Variants in ITPR1 observed in about 807,000 individuals in gnomAD.
ITPR1 encodes the protein inositol 1,4,5-trisphosphate-gated calcium channel ITPR1.
A neutral mutation model predicts 318.4 loss-of-function variants in ITPR1; 96 were observed. The observed-to-expected ratio is 0.30, with a 90% CI of 0.26 to 0.36. The LOEUF (loss-of-function observed/expected upper bound fraction) is 0.36. Among genes scored for constraint, ITPR1 ranks in the 10% least tolerant of loss-of-function variants. ITPR1 has a pLI of 1.00. For missense variants in ITPR1, 2,440 were observed against 3,460.2 expected, an observed-to-expected ratio of 0.71 and a Z score of 7.40; for synonymous variants, 1,312 against 1,289.9, an observed-to-expected ratio of 1.02 and a Z score of -0.37.
At chr3:4,702,047 A>G (rs1432387388) in intron 35 of ITPR1, among the ~76,000 whole-genome samples, 1 of 152,160 alleles carries the variant, frequency 6.6e-6, no homozygotes, top group Non-Finnish European at 1.5e-5. Flanking sequence ...AGCGCAGCAC[A>G]CACAGCTATC....
intron 4 of ITPR1, among the ~76,000 whole-genome samples, chr3:4,607,051 A>G (rs2091753770): frequency 6.6e-6 from 1 of 152,162 alleles, no homozygotes; most frequent in Non-Finnish European, 1.5e-5. Flanking sequence ...ACCACACCAA[A>G]CAACAATAAT....
Position 4,673,019 on chromosome 3 carries a change from T to TATG in ITPR1, c.2205-115_2205-113dup, listed in dbSNP as rs1201725424. ...CAAGAGCAATTTAGGGGTGTTGATGTATGAGTTTAGTTGGCCAAATGTCAC... is the reference window on the plus strand; with the variant it reads ...CAAGAGCAATTTAGGGGTGTTGATGTATGATGAGTTTAGTTGGCCAAATGTCAC... On this transcript the variant is annotated intron_variant, in intron 20 of 61. Transcript: ENST00000649015. 6 of 1,085,362 alleles carry TATG rather than the reference T, an allele frequency of 5.5e-6. No individual in the cohort carries two copies. In the African/African-American group the frequency reaches 9.5e-5, roughly 17 times the overall value. 67.2% of individuals were successfully genotyped at this position (1,085,362 alleles called of 1,614,324 possible). A position where few individuals can be genotyped will look rare whatever the true frequency, so the allele number is the denominator to read the frequency against.
chr3:4,698,064 T>C (rs1469228753), intron 34 of ITPR1, among the ~76,000 whole-genome samples: 1 of 150,846 alleles, frequency 6.6e-6, no homozygotes, highest in African/African-American at 2.4e-5. Flanking sequence ...TGGTTTTGCA[T>C]TGGGCCTAAT....
At chr3:4,827,228 C>T (rs1051974696) in intron 60 of ITPR1, among the ~76,000 whole-genome samples, 2 of 152,194 alleles carry the variant, frequency 1.3e-5, no homozygotes, top group African/African-American at 4.8e-5. Flanking sequence ...CCCGGCTTGC[C>T]CTTTACTTCC....
At chr3:4,706,088 G>T in intron 36 of ITPR1, 79 bp from the exon 37 acceptor site, 1 of 1,479,324 alleles carries the variant, frequency 6.8e-7, no homozygotes, top group Non-Finnish European at 9.3e-7. Context: ...CTGCTGGATG[G>T]GGACTAGGGC....
At chr3:4,590,109 A>G (rs1274068297) in intron 4 of ITPR1, among the ~76,000 whole-genome samples, 1 of 145,486 alleles carries the variant, frequency 6.9e-6, no homozygotes, top group African/African-American at 2.6e-5. Flanking sequence ...GACCTCTGTG[A>G]CCTTCCTGTC....
chr3:4,532,606 A>G (rs1575436191), intron 4 of ITPR1, among the ~76,000 whole-genome samples: 5 of 152,242 alleles, frequency 3.3e-5, no homozygotes, highest in Admixed American at 2.6e-4. Context: ...CCTGGGCTCA[A>G]CTGATCCTCC....
rs773512133 is a variant in ITPR1, at chr3:4,800,514, A to G, written c.7021A>G (p.Ile2341Val). The G allele has an allele frequency of 5.0e-6, 8 of 1,614,008 alleles. No individual in the cohort carries two copies. Among genetic ancestry groups the G allele is most frequent in the Non-Finnish European group, 6.8e-6 (8 of 1,179,878 alleles). The change falls in exon 54 of 62, where the codon ATC becomes GTC. Residue 2341 changes from isoleucine (I) to valine (V), a missense_variant. Physicochemically the swap from Ile to Val is conservative, Grantham distance 29. This residue lies in a region of ITPR1 where 126 missense variants were observed against 150.8 expected (regional missense o/e 0.84). Coordinates refer to ENST00000649015, the MANE Select transcript of ITPR1 (RefSeq NM_001378452.1). ...CATTGCCCTCCCCAAGCCCCATGGC[A>G]TCCGGGCCTTAATTGCCTCCACAAT... ...IVIALPKPHG[I>V]RALIASTILR... is the part of the protein sequence containing the mutation.
intron 39 of ITPR1, among the ~76,000 whole-genome samples, chr3:4,717,102 C>T (rs567731890): frequency 6.2e-4 from 94 of 152,336 alleles, no homozygotes; most frequent in African/African-American, 2.2e-3. Context: ...ACACGGCTGT[C>T]TGCACATGTG....
At chr3:4,760,650 C>A (rs1207426071) in intron 44 of ITPR1, among the ~76,000 whole-genome samples, 1 of 152,320 alleles carries the variant, frequency 6.6e-6, no homozygotes, top group African/African-American at 2.4e-5. Context: ...GGCCAGCGCT[C>A]CTTTCTGGAG....
In ITPR1 at chr3:4,672,409, A is replaced by G. The variant is rs535235863; in HGVS notation, c.2205-727A>G. Among the ~76,000 whole-genome samples the G allele has an allele frequency of 2.7e-3, 408 of 152,368 alleles. 2 individuals are homozygous for G. Among genetic ancestry groups the G allele is most frequent in the African/African-American group, 9.4e-3 (390 of 41,590 alleles). ...CTAATGAGGCTGAGAATGTCTTCAA[A>G]TCATGATTATTAGAAATACATAGAG... On this transcript the variant is annotated intron_variant, in intron 20 of 61. Coordinates refer to ENST00000649015, the MANE Select transcript of ITPR1 (RefSeq NM_001378452.1).
At chr3:4,622,402 T>G (rs1253919640) in intron 4 of ITPR1, among the ~76,000 whole-genome samples, 2 of 150,678 alleles carry the variant, frequency 1.3e-5, no homozygotes, top group Non-Finnish European at 3.0e-5. Flanking sequence ...CATAAGCCAC[T>G]GCGGCCAGCC....
Position 4,847,002 on chromosome 3 carries a change from C to G in ITPR1, c.*777C>G. On this transcript the variant is annotated 3_prime_UTR_variant, in exon 62 of 62. Coordinates refer to ENST00000649015, the MANE Select transcript of ITPR1 (RefSeq NM_001378452.1). ...TAATGAATTTTTTAAAGGGAACTTT[C>G]TATGCAATGTTCAGGATAAATGCAT... 6.5e-6 allele frequency: 1 copy of G among 152,676 alleles called. No homozygotes were observed. The highest frequency in any genetic ancestry group is 1.9e-4 in the East Asian group (1 of 5,184). The allele number at this position is 152,676 out of a possible 1,614,324, so 9.5% of individuals were successfully genotyped here. A position where few individuals can be genotyped will look rare whatever the true frequency, so the allele number is the denominator to read the frequency against.
chr3:4,842,430 C>T (rs562157039), intron 61 of ITPR1, among the ~76,000 whole-genome samples: 7 of 152,154 alleles, frequency 4.6e-5, no homozygotes, highest in Non-Finnish European at 1.0e-4. Context: ...TGCAGTGGCA[C>T]GATCTCAGCT....
At chr3:4,534,165 GATGT>G (rs1445495954) in intron 4 of ITPR1, among the ~76,000 whole-genome samples, 1 of 152,170 alleles carries the variant, frequency 6.6e-6, no homozygotes, top group Non-Finnish European at 1.5e-5. Flanking sequence ...TTGTTACTTG[GATGT>G]ATTGTGTAGT....
In ITPR1 at chr3:4,806,282, T is replaced by A. The variant is rs777868994; in HGVS notation, c.7272+15T>A. 80 of 1,611,906 alleles carry A rather than the reference T, an allele frequency of 5.0e-5. No homozygotes were observed. Among genetic ancestry groups the A allele is most frequent in the Non-Finnish European group, 6.8e-5 (80 of 1,178,112 alleles). ...ACAGTCTGCTGGTGAGTACCTGGTGTGGAAATATTTTATGTGTGGGGAAAC... is the reference window on the plus strand; with the variant it reads ...ACAGTCTGCTGGTGAGTACCTGGTGAGGAAATATTTTATGTGTGGGGAAAC... On this transcript the variant is annotated intron_variant, in intron 55 of 61. Coordinates refer to ENST00000649015, the MANE Select transcript of ITPR1 (RefSeq NM_001378452.1).
chr3:4,556,259 C>T (rs952407080), intron 4 of ITPR1, among the ~76,000 whole-genome samples: 4 of 152,176 alleles, frequency 2.6e-5, no homozygotes, highest in Non-Finnish European at 5.9e-5. Context: ...GTAACACCCT[C>T]TATCAGGATG....
Position 4,665,254 on chromosome 3 carries a change from C to T in ITPR1, c.1671C>T (p.Tyr557=), listed in dbSNP as rs886058613. Residue 557 remains tyrosine (Y), a synonymous_variant, in exon 17 of 62, where the codon TAC becomes TAT. Transcript: ENST00000649015. ...TCAGACACATCTGCCGGCTCTGCTA[C>T]AGGGTGCTGAGACACTCGCAGCAAG... ...APFRHICRLC[Y]RVLRHSQQDY... is the part of the protein sequence containing the mutation. 5.6e-6 allele frequency: 9 copies of T among 1,613,900 alleles called. No individual in the cohort carries two copies. The highest frequency in any genetic ancestry group is 1.1e-5 in the South Asian group (1 of 91,090).
intron 36 of ITPR1, 69 bp from the exon 37 acceptor site, chr3:4,706,098 C>A: frequency 6.5e-7 from 1 of 1,534,062 alleles, no homozygotes; most frequent in Non-Finnish European, 9.0e-7. Context: ...GGGACTAGGG[C>A]ATTACGTCCA....
Sources: allele counts gnomAD v4.1 joint callset (sites outside exome capture counted in the v4.1 genomes callset), GRCh38; gene constraint gnomAD v4.1.1; regional missense constraint gnomAD v4.1.1; transcripts MANE v1.5; gene names NCBI Gene and HGNC (gene_info 2026-07-23, HGNC 2026-07-21).